Variants in GRIP1 observed in about 807,000 individuals in gnomAD.
The protein encoded by GRIP1 is glutamate receptor-interacting protein 1.
Under a neutral mutation model 129.9 loss-of-function variants are expected in GRIP1, and 45 were observed. The ratio of observed to expected loss-of-function variants is 0.35; its 90% confidence interval spans 0.27 to 0.44. The LOEUF is 0.44. Among genes scored for constraint, GRIP1 ranks in the 20% least tolerant of loss-of-function variants. The pLI is 1.00. For missense variants in GRIP1, 1,196 were observed against 1,396.8 expected, an observed-to-expected ratio of 0.86 and a Z score of 2.29; for synonymous variants, 530 against 520.8, an observed-to-expected ratio of 1.02 and a Z score of -0.24.
intron 1 of GRIP1, among the ~76,000 whole-genome samples, chr12:66,764,428 T>A (rs1374416785): frequency 6.6e-6 from 1 of 152,216 alleles, no homozygotes; most frequent in Non-Finnish European, 1.5e-5. Flanking sequence ...TATGATGTTT[T>A]CCATAAGAGA....
At chr12:66,760,718 G>T (rs2037448252) in intron 1 of GRIP1, among the ~76,000 whole-genome samples, 2 of 152,142 alleles carry the variant, frequency 1.3e-5, no homozygotes, top group South Asian at 4.1e-4. Context: ...GAAAACAGAA[G>T]AGTATTATGA....
chr12:66,944,856 G>A (rs773987872), intron 1 of GRIP1, among the ~76,000 whole-genome samples: 2 of 152,098 alleles, frequency 1.3e-5, no homozygotes, highest in Non-Finnish European at 2.9e-5. Context: ...ACAGTGGCAC[G>A]CTCTTGGCTC....
chr12:66,445,865 G>A (rs968893535), intron 11 of GRIP1, among the ~76,000 whole-genome samples: 2 of 152,120 alleles, frequency 1.3e-5, no homozygotes, highest in African/African-American at 4.8e-5. Flanking sequence ...CTCTTTGTGT[G>A]TCTATATCCT....
At chr12:66,770,342 T>C (rs1256982430) in intron 1 of GRIP1, among the ~76,000 whole-genome samples, 1 of 152,204 alleles carries the variant, frequency 6.6e-6, no homozygotes, top group Non-Finnish European at 1.5e-5. Flanking sequence ...CAAGAGTGCA[T>C]GGACAGAGTA....
intron 19 of GRIP1, among the ~76,000 whole-genome samples, chr12:66,387,092 G>A (rs779939030): frequency 3.3e-5 from 5 of 152,180 alleles, no homozygotes; most frequent in Non-Finnish European, 7.4e-5. Context: ...GAAGTGGAGA[G>A]AAGACACCTA....
At chr12:66,794,656 A>G (rs2038644489) in intron 1 of GRIP1, among the ~76,000 whole-genome samples, 1 of 152,186 alleles carries the variant, frequency 6.6e-6, no homozygotes, top group Non-Finnish European at 1.5e-5. Context: ...GCCTTAAACA[A>G]TTACTGAGCA....
At chr12:66,375,058 TTCTTA>T (rs1374417283) in intron 22 of GRIP1, among the ~76,000 whole-genome samples, 1 of 152,196 alleles carries the variant, frequency 6.6e-6, no homozygotes, top group Non-Finnish European at 1.5e-5. Flanking sequence ...TTAAACCTTC[TTCTTA>T]TATTATGCTA....
At chr12:66,855,082 C>T (rs538223356) in intron 1 of GRIP1, among the ~76,000 whole-genome samples, 1 of 151,864 alleles carries the variant, frequency 6.6e-6, no homozygotes, top group East Asian at 1.9e-4. Flanking sequence ...GAGTGGGGAG[C>T]TGTCTAGCGG....
chr12:66,896,909 C>T (rs1448843380), intron 1 of GRIP1, among the ~76,000 whole-genome samples: 1 of 152,156 alleles, frequency 6.6e-6, no homozygotes, highest in Non-Finnish European at 1.5e-5. Context: ...TGTGTCAAGG[C>T]ATTTTCCAGA....
At chr12:66,476,058 C>A (rs866088870) in intron 7 of GRIP1, among the ~76,000 whole-genome samples, 3 of 151,914 alleles carry the variant, frequency 2.0e-5, no homozygotes, top group Non-Finnish European at 4.4e-5. Flanking sequence ...AAAAACCCTT[C>A]AAAAAATCAA....
At chr12:66,990,854 C>T (rs915324057) in intron 1 of GRIP1, among the ~76,000 whole-genome samples, 13 of 151,784 alleles carry the variant, frequency 8.6e-5, no homozygotes, top group East Asian at 1.9e-4. Flanking sequence ...ATTAGCCGGG[C>T]GTGTTGGCAC....
intron 16 of GRIP1, among the ~76,000 whole-genome samples, chr12:66,401,909 T>G (rs1055295310): frequency 6.6e-6 from 1 of 152,176 alleles, no homozygotes; most frequent in African/African-American, 2.4e-5. Flanking sequence ...TAATGGTCAC[T>G]AACCAAGTCC....
At chr12:66,892,387 T>C (rs979668535) in intron 1 of GRIP1, among the ~76,000 whole-genome samples, 2 of 152,168 alleles carry the variant, frequency 1.3e-5, no homozygotes, top group African/African-American at 2.4e-5. Context: ...TTAAAAAATG[T>C]TTTATTTAGA....
intron 1 of GRIP1, among the ~76,000 whole-genome samples, chr12:66,924,409 T>A (rs1165895833): frequency 6.6e-6 from 1 of 152,184 alleles, no homozygotes; most frequent in Non-Finnish European, 1.5e-5. Flanking sequence ...TTGGGGCCCA[T>A]GCTGCAGGTA....
At chr12:66,975,835 G>A (rs2042143009) in intron 1 of GRIP1, among the ~76,000 whole-genome samples, 1 of 152,170 alleles carries the variant, frequency 6.6e-6, no homozygotes, top group Non-Finnish European at 1.5e-5. Flanking sequence ...GGACACAGAT[G>A]AATGATACAT....
Position 66,524,107 on chromosome 12 carries a change from T to C in GRIP1, c.502+5724A>G, listed in dbSNP as rs563847768. On this transcript the variant is annotated intron_variant, in intron 5 of 24. Coordinates refer to ENST00000359742, the MANE Select transcript of GRIP1 (RefSeq NM_001366722.1). ...AGACTTAACACCCCACTGTCAACAT[T>C]AGACAGATCAACGAGACAGAAAGTT... is the stretch of plus-strand genomic sequence containing the variant. 3.7e-4 allele frequency among the ~76,000 whole-genome samples: 56 copies of C among 152,210 alleles called. No individual in the cohort carries two copies. In the South Asian group the frequency reaches 0.012, roughly 32 times the overall value.
intron 1 of GRIP1, among the ~76,000 whole-genome samples, chr12:66,771,042 A>G (rs1214717139): frequency 6.6e-6 from 1 of 152,144 alleles, no homozygotes; most frequent in East Asian, 1.9e-4. Flanking sequence ...GCAGTGAGCC[A>G]AGATCACGCC....
chr12:66,976,466 C>G (rs1396873309), intron 1 of GRIP1, among the ~76,000 whole-genome samples: 1 of 152,130 alleles, frequency 6.6e-6, no homozygotes, highest in African/African-American at 2.4e-5. Context: ...TGTATTTACA[C>G]CACTTATCTT....
intron 9 of GRIP1, among the ~76,000 whole-genome samples, chr12:66,460,002 C>G (rs2059087425): frequency 6.6e-6 from 1 of 152,156 alleles, no homozygotes; most frequent in Non-Finnish European, 1.5e-5. Context: ...GTGCTAGGTG[C>G]TTTTTCATGG....
Sources: gnomAD v4.1 joint callset for allele counts (sites outside exome capture counted in the v4.1 genomes callset) on GRCh38, gnomAD v4.1.1 for gene constraint, MANE v1.5 for transcripts, NCBI Gene and HGNC (gene_info 2026-07-23, HGNC 2026-07-21) for gene names.